OR4N2: variants seen among roughly 807,000 people sequenced by gnomAD.
OR4N2 encodes the protein olfactory receptor 4N2.
For synonymous variants in OR4N2, 141 were observed against 140.4 expected (o/e 1.00, Z -0.03); for missense variants, 307 against 377.6 (o/e 0.81, Z 1.55).
Position 19,830,029 on chromosome 14 carries a change from ACCTGATCCTGCT to A in OR4N2, c.*1661_*1672del, listed in dbSNP as rs887869683. ...CTTTAACTTCTCCTGAGACTGAGTG[ACCTGATCCTGCT>A]CCTACAGAAGTAAACCCTTCCACCT... is the stretch of plus-strand genomic sequence containing the variant. On this transcript the variant is annotated 3_prime_UTR_variant, in exon 2 of 2. Transcript: ENST00000557677. 1 of 152,500 alleles carries A rather than the reference ACCTGATCCTGCT, an allele frequency of 6.6e-6. No homozygotes were observed. The highest frequency in any genetic ancestry group is 1.5e-5 in the Non-Finnish European group (1 of 68,252). 9.4% of individuals were successfully genotyped at this position (152,500 alleles called of 1,614,324 possible).
chr14:19,821,955 G>A (rs1215797912), intron 1 of OR4N2: 1 of 152,280 alleles, frequency 6.6e-6, no homozygotes, highest in Non-Finnish European at 1.5e-5. Flanking sequence ...CCTACTTTGT[G>A]AGAGTAACAT....
At chr14:19,814,636 C>A (rs1159649756) in intron 1 of OR4N2, among the ~76,000 whole-genome samples, 2 of 152,168 alleles carry the variant, frequency 1.3e-5, no homozygotes, top group Admixed American at 6.5e-5. Flanking sequence ...CATGTTGGAA[C>A]CTGAGGCAAC....
chr14:19,824,385 T>C lies in OR4N2; in HGVS notation c.-9-3055T>C, dbSNP rs368994837. On this transcript the variant is annotated intron_variant, in intron 1 of 1. Transcript: ENST00000557677. ...TTAAGAAACAGTAGAAAAATAACAG[T>C]GAGGCTGGGACACAGGCAGAATGGA... is the stretch of plus-strand genomic sequence containing the variant. Among the ~76,000 whole-genome samples, 103 of 152,296 alleles carry C rather than the reference T, an allele frequency of 6.8e-4. 1 individual carries two copies. The South Asian group carries it at 0.016, about 24-fold the overall frequency.
intron 1 of OR4N2, among the ~76,000 whole-genome samples, chr14:19,817,479 AG>A (rs1264314749): frequency 6.6e-6 from 1 of 152,166 alleles, no homozygotes. Context: ...TTATTTGTGT[AG>A]AGGTGTTTGT....
At chr14:19,822,239 T>C (rs1879585037) in intron 1 of OR4N2, 1 of 145,830 alleles carries the variant, frequency 6.9e-6, no homozygotes, top group African/African-American at 2.6e-5. Context: ...TTAATTCTAT[T>C]ATAATTTTCC....
intron 1 of OR4N2, among the ~76,000 whole-genome samples, chr14:19,825,920 A>G (rs1270416601): frequency 6.6e-6 from 1 of 152,242 alleles, no homozygotes; most frequent in Admixed American, 6.5e-5. Context: ...ATATCCTTTT[A>G]TATTACAGTT....
intron 1 of OR4N2, among the ~76,000 whole-genome samples, chr14:19,812,769 T>C (rs1352000368): frequency 6.6e-6 from 1 of 152,268 alleles, no homozygotes; most frequent in Non-Finnish European, 1.5e-5. Flanking sequence ...TTTTTTCACG[T>C]GCTTATTGGC....
At chr14:19,818,572 G>A (rs916030331) in intron 1 of OR4N2, among the ~76,000 whole-genome samples, 2 of 152,164 alleles carry the variant, frequency 1.3e-5, no homozygotes, top group African/African-American at 2.4e-5. Context: ...GAGCCTATGT[G>A]TGTCTTTGCA....
chr14:19,826,645 T>G (rs1473856899), intron 1 of OR4N2, among the ~76,000 whole-genome samples: 1 of 152,264 alleles, frequency 6.6e-6, no homozygotes, highest in African/African-American at 2.4e-5. Flanking sequence ...GCATATTGTT[T>G]GTTAAAAGGC....
chr14:19,809,221 G>T (rs556584884), intron 1 of OR4N2, among the ~76,000 whole-genome samples: 1 of 151,936 alleles, frequency 6.6e-6, no homozygotes, highest in Admixed American at 6.6e-5. Flanking sequence ...ATCGATTAAA[G>T]ATTTAAATTT....
intron 1 of OR4N2, among the ~76,000 whole-genome samples, chr14:19,824,733 T>G (rs186865093): frequency 6.6e-6 from 1 of 152,396 alleles, no homozygotes; most frequent in African/African-American, 2.4e-5. Flanking sequence ...ATGAACAGTA[T>G]TTATATCTTC....
chr14:19,828,123 A>G lies in OR4N2; in HGVS notation c.675A>G (p.Ile225Met), dbSNP rs145980684. The change falls in exon 2 of 2, where the codon ATA becomes ATG. Residue 225 changes from isoleucine (I) to methionine (M), a missense_variant. Transcript: ENST00000557677. ...LASYAVILCR[I>M]RGSSSEAKNK... Reference sequence around the variant, plus strand: ...CCTATGCAGTCATTCTTTGTCGCATACGAGGGTCTTCTTCTGAGGCAAAAA... The same window carrying G: ...CCTATGCAGTCATTCTTTGTCGCATGCGAGGGTCTTCTTCTGAGGCAAAAA... 160 of 1,614,100 alleles carry G rather than the reference A, an allele frequency of 9.9e-5. No individual in the cohort carries two copies. Among genetic ancestry groups the G allele is most frequent in the Non-Finnish European group, 1.3e-4 (152 of 1,180,030 alleles).
intron 1 of OR4N2, among the ~76,000 whole-genome samples, chr14:19,820,946 T>C (rs1161903998): frequency 1.3e-5 from 2 of 152,216 alleles, no homozygotes; most frequent in Non-Finnish European, 2.9e-5. Context: ...AATAGTTCTA[T>C]CTTGCTGGCA....
chr14:19,826,158 T>C (rs1467256354), intron 1 of OR4N2, among the ~76,000 whole-genome samples: 1 of 152,268 alleles, frequency 6.6e-6, no homozygotes, highest in African/African-American at 2.4e-5. Flanking sequence ...ATTACTATGT[T>C]CTTTCTATAC....
intron 1 of OR4N2, among the ~76,000 whole-genome samples, chr14:19,823,297 ACTT>A (rs1879611484): frequency 6.6e-6 from 1 of 152,226 alleles, no homozygotes; most frequent in South Asian, 2.1e-4. Flanking sequence ...AATGAAATTA[ACTT>A]CTTTTTTTTA....
intron 1 of OR4N2, among the ~76,000 whole-genome samples, chr14:19,804,288 T>C (rs1344690314): frequency 1.3e-5 from 2 of 152,210 alleles, no homozygotes; most frequent in African/African-American, 4.8e-5. Context: ...CGGTGTGATG[T>C]TAGGATGTTA....
Position 19,827,462 on chromosome 14 carries a change from A to G in OR4N2, c.14A>G (p.Asn5Ser). 6.3e-7 allele frequency: 1 copy of G among 1,594,158 alleles called. No homozygotes were observed. The highest frequency in any genetic ancestry group is 1.1e-5 in the South Asian group (1 of 87,982). Reference sequence around the variant, plus strand: ...CAGGCCAGGGAAATGGAAAGCGAGAACAGAACAGTGATAAGAGAATTCATC... The same window carrying G: ...CAGGCCAGGGAAATGGAAAGCGAGAGCAGAACAGTGATAAGAGAATTCATC... MESE[N>S]RTVIREFILL... The change falls in exon 2 of 2, where the codon AAC becomes AGC. Residue 5 changes from asparagine (N) to serine (S), a missense_variant. Transcript: ENST00000557677.
chr14:19,820,071 A>T (rs542622385), intron 1 of OR4N2, among the ~76,000 whole-genome samples: 1 of 152,356 alleles, frequency 6.6e-6, no homozygotes, highest in African/African-American at 2.4e-5. Context: ...TTTGTCCCAG[A>T]GGGGCACCAG....
At position 19,828,372 on chromosome 14, in the gene OR4N2, A is replaced by G. The variant is rs1426920169; in HGVS notation, c.924A>G (p.Ter308TrpextTer9). The G allele has an allele frequency of 1.9e-6, 3 of 1,575,262 alleles. No individual in the cohort carries two copies. Among genetic ancestry groups the G allele is most frequent in the African/African-American group, 1.5e-5 (1 of 68,868 alleles). ...MKKVFNKHIA[*>W] ...AGGTGTTTAATAAGCACATAGCCTG[A>G]AAAAGGGCGCAAAAAAAAAAAGAAT... is the stretch of plus-strand genomic sequence containing the variant. The change falls in exon 2 of 2, where the codon TGA (stop) becomes TGG (tryptophan). Residue 308 changes from the stop codon to tryptophan (W), a stop_lost. Coordinates refer to ENST00000557677, the MANE Select transcript of OR4N2 (RefSeq NM_001004723.3).
Sources: allele counts gnomAD v4.1 joint callset (sites outside exome capture counted in the v4.1 genomes callset), GRCh38; gene constraint gnomAD v4.1.1; transcripts MANE v1.5; gene names NCBI Gene and HGNC (gene_info 2026-07-23, HGNC 2026-07-21).